Variants in CHLSN observed in about 807,000 individuals in gnomAD.
CHLSN encodes the protein protein cholesin.
chr7:1,055,257 C>A, the CHLSN span: 7 of 471,158 alleles, frequency 1.5e-5, no homozygotes, highest in African/African-American at 1.4e-4. Context: ...GAGGCAGAGG[C>A]CCTGCGGGGA....
the CHLSN span, among the ~76,000 whole-genome samples, chr7:1,063,039 G>A: frequency 5.9e-5 from 9 of 152,226 alleles, 1 homozygote; most frequent in South Asian, 1.7e-3. Context: ...AAGCCTGAGC[G>A]TGTGAGTGCA....
At chr7:1,125,806 G>A in the CHLSN span, among the ~76,000 whole-genome samples, 1 of 152,218 alleles carries the variant, frequency 6.6e-6, no homozygotes, top group African/African-American at 2.4e-5. Context: ...GTAACACGGG[G>A]TGACAATGCT....
chr7:1,041,289 T>C, the CHLSN span, among the ~76,000 whole-genome samples: 2,685 of 98,656 alleles, frequency 0.027, 169 homozygotes, highest in Middle Eastern at 0.087. Flanking sequence ...GGCTCCGCGC[T>C]GCGGGGAAGG....
the CHLSN span, among the ~76,000 whole-genome samples, chr7:1,131,991 A>G: frequency 1.4e-3 from 213 of 152,350 alleles, 1 homozygote; most frequent in African/African-American, 5.0e-3. Flanking sequence ...TGCCAGGACA[A>G]CTGGCTACCA....
At chr7:1,123,194 C>T in the CHLSN span, among the ~76,000 whole-genome samples, 8 of 152,198 alleles carry the variant, frequency 5.3e-5, no homozygotes, top group Non-Finnish European at 1.0e-4. The surrounding 1 kb of genome is among the most constrained non-coding windows in gnomAD (Gnocchi z 4.4). Flanking sequence ...GGAGGCTTCC[C>T]GGGCCAAGCC....
the CHLSN span, among the ~76,000 whole-genome samples, chr7:1,122,231 T>A: frequency 6.6e-6 from 1 of 152,208 alleles, no homozygotes; most frequent in African/African-American, 2.4e-5. Flanking sequence ...GTCAAGATGC[T>A]CGTGGGGACG....
the CHLSN span, among the ~76,000 whole-genome samples, chr7:1,102,090 G>A: frequency 1.8e-3 from 279 of 152,364 alleles, 3 homozygotes; most frequent in Middle Eastern, 3.4e-3. Context: ...TTTGGGGCAC[G>A]TGCACCACCC....
the CHLSN span, among the ~76,000 whole-genome samples, chr7:1,113,052 G>A: frequency 2.0e-5 from 3 of 152,170 alleles, no homozygotes; most frequent in South Asian, 2.1e-4. Context: ...TATCTTGACC[G>A]CCACAGTGGT....
chr7:1,014,226 A>G, the CHLSN span, among the ~76,000 whole-genome samples: 95,750 of 152,234 alleles, frequency 0.63, 32,572 homozygotes, highest in African/African-American at 0.9. Flanking sequence ...CAGCTGCCAC[A>G]GCACCTTCCA....
the CHLSN span, chr7:984,286 GC>G: frequency 1.6e-6 from 2 of 1,278,950 alleles, no homozygotes; most frequent in African/African-American, 1.5e-5. Context: ...ATCTAGGCGT[GC>G]CCCCTCCACC....
At chr7:1,116,555 C>T in the CHLSN span, among the ~76,000 whole-genome samples, 5 of 76,340 alleles carry the variant, frequency 6.5e-5, no homozygotes, top group Admixed American at 1.2e-4. Context: ...ATCACCGACG[C>T]CCACGCAGGA....
chr7:1,008,361 C>CG, the CHLSN span, among the ~76,000 whole-genome samples: 3 of 152,192 alleles, frequency 2.0e-5, no homozygotes, highest in Non-Finnish European at 4.4e-5. Context: ...CAGGAGCAAG[C>CG]GCAGGAGGCA....
the CHLSN span, chr7:1,000,402 G>T: frequency 1.9e-6 from 2 of 1,049,910 alleles, no homozygotes; most frequent in Non-Finnish European, 2.6e-6. Flanking sequence ...CCCCCGGGGG[G>T]ACGTGCCTGC....
chr7:987,471 G>A, the CHLSN span: 3 of 1,560,912 alleles, frequency 1.9e-6, no homozygotes, highest in African/African-American at 4.1e-5. Context: ...TCACGCTCCT[G>A]CCGCACGTGC....
the CHLSN span, chr7:997,598 C>A: frequency 1.3e-6 from 2 of 1,503,090 alleles, no homozygotes; most frequent in Non-Finnish European, 1.8e-6. Context: ...CTGCACTGGG[C>A]AGCGGCCCCG....
chr7:1,092,471 G>A, the CHLSN span: 45 of 1,607,656 alleles, frequency 2.8e-5, no homozygotes, highest in East Asian at 3.3e-4. Flanking sequence ...CACCGGCACC[G>A]TGGGCTGCGG....
the CHLSN span, among the ~76,000 whole-genome samples, chr7:1,115,478 G>A: frequency 4.6e-5 from 7 of 152,024 alleles, no homozygotes; most frequent in South Asian, 2.1e-4. Flanking sequence ...CAACGCCCAC[G>A]CAGGATGACT....
the CHLSN span, among the ~76,000 whole-genome samples, chr7:1,031,164 C>G: frequency 6.6e-6 from 1 of 152,208 alleles, no homozygotes; most frequent in Non-Finnish European, 1.5e-5. Context: ...GAACTGCTTC[C>G]GTACACGGGA....
At chr7:1,059,779 A>AGGCAGGTCTTAGTGGGGCGGGTCTATAG in the CHLSN span, among the ~76,000 whole-genome samples, 1 of 17,012 alleles carries the variant, frequency 5.9e-5, no homozygotes, top group Non-Finnish European at 1.1e-4. Flanking sequence ...CGGGTCCGTA[A>AGGCAGGTCTTAGTGGGGCGGGTCTATAG]TGAGGCGGGT....
Sources: gnomAD v4.1 joint callset for allele counts (sites outside exome capture counted in the v4.1 genomes callset) on GRCh38, gnomAD v4.1.1 for gene constraint, Gnocchi (gnomAD v3.1) non-coding constraint, MANE v1.5 for transcripts, NCBI Gene and HGNC (gene_info 2026-07-23, HGNC 2026-07-21) for gene names.